WWOX: variants seen among roughly 807,000 people sequenced by gnomAD.
WWOX encodes the protein WW domain containing oxidoreductase.
Under a neutral mutation model 46.2 loss-of-function variants are expected in WWOX, and 69 were observed. The observed-to-expected ratio is 1.49, with a 90% confidence interval of 1.23 to 1.82. WWOX has a LOEUF of 1.82. WWOX is among the 40% of genes most tolerant of loss of function. The pLI is 0.00. For missense variants in WWOX, 919 were observed against 542.6 expected (o/e 1.69, Z -6.89); for synonymous variants, 359 against 202.6 (o/e 1.77, Z -6.56).
At chr16:78,941,734 C>A (rs544735605) in intron 8 of WWOX, among the ~76,000 whole-genome samples, 1 of 152,128 alleles carries the variant, frequency 6.6e-6, no homozygotes, top group Non-Finnish European at 1.5e-5. Context: ...TTTGAAAAGG[C>A]AGTTAATCGC....
intron 4 of WWOX, chr16:78,124,238 T>G (rs1203148001): frequency 6.6e-6 from 1 of 152,228 alleles, no homozygotes. Context: ...GTGAATATAC[T>G]TGTAACATTG....
chr16:78,348,713 C>T (rs1263121944), intron 5 of WWOX, among the ~76,000 whole-genome samples: 1 of 121,244 alleles, frequency 8.2e-6, no homozygotes, highest in African/African-American at 2.8e-5. Flanking sequence ...CCGCCTCTGC[C>T]TCCCAAAGTG....
intron 8 of WWOX, among the ~76,000 whole-genome samples, chr16:78,796,844 T>TAGC (rs11419322): frequency 1.1e-4 from 17 of 150,914 alleles, no homozygotes; most frequent in Non-Finnish European, 2.2e-4. Context: ...TTTTTTTTTT[T>TAGC]AGCCATAGTC....
At chr16:78,864,002 T>C (rs1231367819) in intron 8 of WWOX, among the ~76,000 whole-genome samples, 1 of 152,208 alleles carries the variant, frequency 6.6e-6, no homozygotes, top group African/African-American at 2.4e-5. Flanking sequence ...CATCTGTTGA[T>C]GGGCATTTGT....
intron 5 of WWOX, among the ~76,000 whole-genome samples, chr16:78,241,632 G>T (rs927914902): frequency 6.6e-6 from 1 of 152,100 alleles, no homozygotes; most frequent in Non-Finnish European, 1.5e-5. Context: ...TAGAGATGGG[G>T]TTTCAGCATG....
At position 78,697,349 on chromosome 16, in the gene WWOX, T is replaced by A. The variant is rs958544619; in HGVS notation, c.1056+264597T>A. Reference sequence around the variant, plus strand: ...CTATTATTTTTTGCATTTTTGGTAATGGCCATTCTTGCAGGAGTAAGATGG... The same window carrying A: ...CTATTATTTTTTGCATTTTTGGTAAAGGCCATTCTTGCAGGAGTAAGATGG... On this transcript the variant is annotated intron_variant, in intron 8 of 8. Transcript: ENST00000566780. Among the ~76,000 whole-genome samples the A allele has an allele frequency of 2.9e-4, 44 of 152,314 alleles. 1 individual carries two copies. The highest frequency in any genetic ancestry group is 1.0e-3 in the African/African-American group (42 of 41,580).
intron 8 of WWOX, among the ~76,000 whole-genome samples, chr16:79,108,972 C>T (rs781184061): frequency 2.0e-5 from 3 of 151,340 alleles, no homozygotes; most frequent in Non-Finnish European, 4.4e-5. Flanking sequence ...GTCATCTGAG[C>T]AACATTATCC....
At chr16:78,852,999 T>A (rs1168673027) in intron 8 of WWOX, among the ~76,000 whole-genome samples, 1 of 152,198 alleles carries the variant, frequency 6.6e-6, no homozygotes, top group Non-Finnish European at 1.5e-5. Flanking sequence ...CAGTGTTGAT[T>A]TGCCCGGGGT....
chr16:78,348,216 C>T (rs143369692), intron 5 of WWOX, among the ~76,000 whole-genome samples: 1 of 121,216 alleles, frequency 8.2e-6, no homozygotes, highest in East Asian at 1.9e-4. Context: ...AAGGCAGAAG[C>T]CCAGAAGAGA....
At chr16:78,905,860 C>A (rs568861633) in intron 8 of WWOX, among the ~76,000 whole-genome samples, 1 of 152,122 alleles carries the variant, frequency 6.6e-6, no homozygotes, top group African/African-American at 2.4e-5. Flanking sequence ...ACGTTTCCAC[C>A]CCCTCAAAAC....
intron 8 of WWOX, among the ~76,000 whole-genome samples, chr16:78,702,614 C>G (rs1302955997): frequency 6.7e-6 from 1 of 149,888 alleles, no homozygotes; most frequent in Non-Finnish European, 1.5e-5. Flanking sequence ...GAGATTGCAC[C>G]ACTGTACTTC....
intron 8 of WWOX, among the ~76,000 whole-genome samples, chr16:78,988,779 A>G (rs1226872210): frequency 1.3e-5 from 2 of 152,166 alleles, no homozygotes; most frequent in Non-Finnish European, 2.9e-5. Flanking sequence ...CGGTGGCTGT[A>G]GTCTGTGCCC....
intron 8 of WWOX, among the ~76,000 whole-genome samples, chr16:78,822,052 T>G (rs2051513202): frequency 6.6e-6 from 1 of 152,058 alleles, no homozygotes; most frequent in Non-Finnish European, 1.5e-5. Flanking sequence ...ATTTTTAAAA[T>G]TTCCTGTAGA....
chr16:79,201,533 A>G lies in WWOX; in HGVS notation c.1057-10075A>G, dbSNP rs555658906. Among the ~76,000 whole-genome samples the G allele has an allele frequency of 3.0e-4, 45 of 152,288 alleles. No homozygotes were observed. The South Asian group carries it at 7.5e-3, about 25-fold the overall frequency. Reference sequence around the variant, plus strand: ...CATCAAATTAAGTTTGGAAACTTCAATAAAAAAGTCCCGAAGGAAACTGTC... The same window carrying G: ...CATCAAATTAAGTTTGGAAACTTCAGTAAAAAAGTCCCGAAGGAAACTGTC... On this transcript the variant is annotated intron_variant, in intron 8 of 8. Transcript: ENST00000566780.
intron 8 of WWOX, among the ~76,000 whole-genome samples, chr16:78,828,160 G>C (rs1211034801): frequency 6.6e-6 from 1 of 152,188 alleles, no homozygotes; most frequent in Non-Finnish European, 1.5e-5. Context: ...AGAGAGGCCA[G>C]CTAATCTAAT....
chr16:79,076,511 G>A (rs899231337), intron 8 of WWOX, among the ~76,000 whole-genome samples: 4 of 152,070 alleles, frequency 2.6e-5, no homozygotes, highest in East Asian at 1.9e-4. Flanking sequence ...TGCATCCTCC[G>A]TGCCAGCCCC....
intron 8 of WWOX, among the ~76,000 whole-genome samples, chr16:78,796,535 A>T (rs1226885675): frequency 6.6e-6 from 1 of 152,258 alleles, no homozygotes; most frequent in Non-Finnish European, 1.5e-5. Context: ...CAGTGAACAC[A>T]TTGCCTTCTC....
intron 5 of WWOX, among the ~76,000 whole-genome samples, chr16:78,193,188 A>T (rs1427687820): frequency 3.9e-5 from 6 of 152,236 alleles, no homozygotes; most frequent in Non-Finnish European, 7.3e-5. Context: ...AGTAGCCAAG[A>T]CCAACAGCCA....
intron 8 of WWOX, among the ~76,000 whole-genome samples, chr16:79,049,968 A>C (rs1410684480): frequency 6.6e-6 from 1 of 152,128 alleles, no homozygotes; most frequent in African/African-American, 2.4e-5. Flanking sequence ...AGAAAAAAAC[A>C]TGTCATGCTT....
Sources: allele counts gnomAD v4.1 joint callset (sites outside exome capture counted in the v4.1 genomes callset), GRCh38; gene constraint gnomAD v4.1.1; transcripts MANE v1.5; gene names NCBI Gene and HGNC (gene_info 2026-07-23, HGNC 2026-07-21).